Variants in ERVMER34-1 observed in about 807,000 individuals in gnomAD.
The protein encoded by ERVMER34-1 is endogenous retroviral envelope protein HEMO.
For synonymous variants in ERVMER34-1, 199 were observed against 111.7 expected, an observed-to-expected ratio of 1.78 and a Z score of -4.93; for missense variants, 471 against 295.1, an observed-to-expected ratio of 1.60 and a Z score of -4.37.
In ERVMER34-1 at chr4:52,744,365, T is replaced by G. The variant is rs1716090284; in HGVS notation, c.1156A>C (p.Lys386Gln). The change falls in exon 3 of 3, where the codon AAG (lysine) becomes CAG (glutamine). Residue 386 changes from lysine to glutamine, a missense_variant. Coordinates refer to ENST00000443173, the MANE Select transcript of ERVMER34-1 (RefSeq NM_001242690.2). ...FPSLGTYDLE[K>Q]AILNISKAME... ...GCTTTGGAAATGTTTAGAATTGCCT[T>G]TTCTAAATCATAAGTTCCCAAACTT... is the stretch of plus-strand genomic sequence containing the variant. The G allele has an allele frequency of 1.4e-6, 1 of 704,042 alleles. No individual in the cohort carries two copies. The highest frequency in any genetic ancestry group is 2.0e-5 in the Admixed American group (1 of 50,000). The allele number at this position is 704,042 out of a possible 1,614,324, so 43.6% of individuals were successfully genotyped here.
At chr4:52,750,903 T>G (rs1199074607) in intron 2 of ERVMER34-1, 27 bp downstream of exon 2, 2 of 152,094 alleles carry the variant, frequency 1.3e-5, no homozygotes, top group Admixed American at 1.3e-4. Flanking sequence ...CTGGGTAATT[T>G]CCTCCCGCTC....
At chr4:52,747,076 A>G (rs1325313719) in intron 2 of ERVMER34-1, among the ~76,000 whole-genome samples, 1 of 151,950 alleles carries the variant, frequency 6.6e-6, no homozygotes, top group African/African-American at 2.4e-5. Flanking sequence ...TAAAAATATA[A>G]AAATTAGCTG....
At position 52,743,948 on chromosome 4, in the gene ERVMER34-1, T is replaced by G; in HGVS notation, c.1573A>C (p.Asn525His). The change falls in exon 3 of 3, where the codon AAC (asparagine) becomes CAC (histidine). Residue 525 changes from asparagine (N) to histidine (H), a missense_variant. Asn to His is a moderately conservative substitution (Grantham distance 68). Transcript: ENST00000443173. The stretch of plus-strand genomic sequence containing the variant: ...GATTGCTGTGGAGATAAGGCTAGGT[T>G]CAGAGGTTGGGAGTTAAGGGATCTG... ...SRRSLNSQPLNLALSPQQSAQ... is the reference protein window; with the variant it reads ...SRRSLNSQPLHLALSPQQSAQ... The G allele has an allele frequency of 1.8e-6, 2 of 1,117,824 alleles. No homozygotes were observed. The highest frequency in any genetic ancestry group is 2.6e-5 in the South Asian group (2 of 75,702). The allele number at this position is 1,117,824 out of a possible 1,614,324, so 69.2% of individuals were successfully genotyped here. A position where few individuals can be genotyped will look rare whatever the true frequency, so the allele number is the denominator to read the frequency against.
At position 52,749,590 on chromosome 4, in the gene ERVMER34-1, G is replaced by T. The variant is rs182208817; in HGVS notation, c.-424+1340C>A. Among the ~76,000 whole-genome samples, 6 of 152,200 alleles carry T rather than the reference G, an allele frequency of 3.9e-5. No individual in the cohort carries two copies. The East Asian group carries it at 1.2e-3, about 29-fold the overall frequency. On this transcript the variant is annotated intron_variant, in intron 2 of 2. Transcript: ENST00000443173. Reference sequence around the variant, plus strand: ...GCCGAGGTAGGGCAGATCACCTGACGTCAGGAGTTTGAGACCAGCCTGGCC... The same window carrying T: ...GCCGAGGTAGGGCAGATCACCTGACTTCAGGAGTTTGAGACCAGCCTGGCC...
chr4:52,746,253 C>G (rs370959459), intron 2 of ERVMER34-1, among the ~76,000 whole-genome samples: 1 of 151,780 alleles, frequency 6.6e-6, no homozygotes, highest in Non-Finnish European at 1.5e-5. Context: ...CCCCTGGCCT[C>G]AACTGATCAT....
intron 2 of ERVMER34-1, among the ~76,000 whole-genome samples, chr4:52,748,955 AAGAGATCCTCCCACCTC>A (rs1295432689): frequency 2.0e-5 from 3 of 152,110 alleles, no homozygotes; most frequent in Non-Finnish European, 4.4e-5. Flanking sequence ...ACCTGGGCTC[AAGAGATCCTCCCACCTC>A]AGTCTCCCCT....
rs1577732853 is a variant in ERVMER34-1 at position 52,744,483 on chromosome 4, T to C, written c.1038A>G (p.Lys346=). 3 of 704,158 alleles carry C rather than the reference T, an allele frequency of 4.3e-6. No homozygotes were observed. Among genetic ancestry groups the C allele is most frequent in the East Asian group, 5.4e-5 (2 of 37,286 alleles). 43.6% of individuals were successfully genotyped at this position (704,158 alleles called of 1,614,324 possible). The change falls in exon 3 of 3, where the codon AAA becomes AAG. Residue 346 remains lysine (K), a synonymous_variant. Transcript: ENST00000443173. ...QITNLRSFIH[K]VTPHRCTQGD... is the part of the protein sequence containing the mutation. ...CTTGGGTGCATCTATGCGGTGTTAC[T>C]TTATGAATGAAGGATCTCAGGTTTG...
At chr4:52,746,520 T>A (rs1458436388) in intron 2 of ERVMER34-1, among the ~76,000 whole-genome samples, 1 of 152,256 alleles carries the variant, frequency 6.6e-6, no homozygotes, top group Non-Finnish European at 1.5e-5. Flanking sequence ...CTGCGTAAAG[T>A]GAGTTCCTTT....
Position 52,743,634 on chromosome 4 carries a change from A to C in ERVMER34-1, c.*195T>G. The C allele has an allele frequency of 1.8e-6, 1 of 542,216 alleles. No homozygotes were observed. The allele number at this position is 542,216 out of a possible 1,614,324, so 33.6% of individuals were successfully genotyped here. A position where few individuals can be genotyped will look rare whatever the true frequency, so the allele number is the denominator to read the frequency against. ...GATCAGCTTTATGGTGTGTGTCTTA[A>C]GGCTTCAGAATGAAACTACAAAAAG... On this transcript the variant is annotated 3_prime_UTR_variant, in exon 3 of 3. Transcript: ENST00000443173.
chr4:52,746,754 T>G (rs1444748166), intron 2 of ERVMER34-1, among the ~76,000 whole-genome samples: 2 of 152,160 alleles, frequency 1.3e-5, no homozygotes, highest in Non-Finnish European at 2.9e-5. Flanking sequence ...GCTTACCATC[T>G]CTAGAGTCTT....
chr4:52,743,963 T>C lies in ERVMER34-1; in HGVS notation c.1558A>G (p.Asn520Asp), dbSNP rs930425978. The change falls in exon 3 of 3, where the codon AAC becomes GAC. Residue 520 changes from asparagine (N) to aspartate (D), a missense_variant. Physicochemically the swap from Asn to Asp is conservative, Grantham distance 23 (BLOSUM62 1). Transcript: ENST00000443173. ...RVFRKSRRSL[N>D]SQPLNLALSP... ...AAGGCTAGGTTCAGAGGTTGGGAGT[T>C]AAGGGATCTGCGAGATTTGCGAAAG... is the stretch of plus-strand genomic sequence containing the variant. The C allele has an allele frequency of 1.1e-6, 1 of 909,990 alleles. No individual in the cohort carries two copies. The highest frequency in any genetic ancestry group is 1.6e-5 in the African/African-American group (1 of 60,982). The allele number at this position is 909,990 out of a possible 1,614,324, so 56.4% of individuals were successfully genotyped here.
At position 52,745,943 on chromosome 4, in the gene ERVMER34-1, C is replaced by T; in HGVS notation, c.-423G>A. On this transcript the variant is annotated splice_region_variant and 5_prime_UTR_variant, in exon 3 of 3. In the 5' UTR this introduces an upstream ATG that the reference lacks. Transcript: ENST00000443173. ...AAAAACTTTCAGATATACTTGATCA[C>T]CTGGTTGAAAAGATGGCAGGGTCTG... The T allele has an allele frequency of 6.0e-6, 1 of 165,902 alleles. No homozygotes were observed. The highest frequency in any genetic ancestry group is 1.7e-4 in the South Asian group (1 of 5,992). The allele number at this position is 165,902 out of a possible 1,614,324, so 10.3% of individuals were successfully genotyped here.
At position 52,744,541 on chromosome 4, in the gene ERVMER34-1, G is replaced by C; in HGVS notation, c.980C>G (p.Thr327Ser). The change falls in exon 3 of 3, where the codon ACC (threonine) becomes AGC (serine). Residue 327 changes from threonine to serine, a missense_variant. Coordinates refer to ENST00000443173, the MANE Select transcript of ERVMER34-1 (RefSeq NM_001242690.2). The part of the protein sequence containing the change: ...CGLGYLVPSL[T>S]RYLTLNASQI... ...GCTAGCATTTAAGGTGAGGTATCTG[G>C]TGAGGGAAGGTACAAGATACCCAAG... The C allele has an allele frequency of 1.4e-6, 1 of 704,080 alleles. No homozygotes were observed. The highest frequency in any genetic ancestry group is 2.6e-6 in the Non-Finnish European group (1 of 385,010). 43.6% of individuals were successfully genotyped at this position (704,080 alleles called of 1,614,324 possible).
intron 2 of ERVMER34-1, among the ~76,000 whole-genome samples, chr4:52,746,866 C>G (rs1227516791): frequency 1.3e-5 from 2 of 152,094 alleles, no homozygotes; most frequent in Non-Finnish European, 2.9e-5. Flanking sequence ...TTTTGATCAT[C>G]CTATTCACAC....
chr4:52,750,341 T>C (rs1357952285), intron 2 of ERVMER34-1, among the ~76,000 whole-genome samples: 2 of 152,178 alleles, frequency 1.3e-5, no homozygotes, highest in African/African-American at 2.4e-5. Flanking sequence ...CCATCACCAA[T>C]GGGCATATAA....
Position 52,744,370 on chromosome 4 carries a change from A to G in ERVMER34-1, c.1151T>C (p.Leu384Ser). 1 of 704,162 alleles carries G rather than the reference A, an allele frequency of 1.4e-6. No homozygotes were observed. The highest frequency in any genetic ancestry group is 2.7e-5 in the East Asian group (1 of 37,294). 43.6% of individuals were successfully genotyped at this position (704,162 alleles called of 1,614,324 possible). A position where few individuals can be genotyped will look rare whatever the true frequency, so the allele number is the denominator to read the frequency against. The change falls in exon 3 of 3, where the codon TTA becomes TCA. Residue 384 changes from leucine (L) to serine (S), a missense_variant. Leu to Ser is a moderately radical substitution (Grantham distance 145). Transcript: ENST00000443173. The part of the protein sequence containing the change: ...ALFPSLGTYD[L>S]EKAILNISKA... ...GGAAATGTTTAGAATTGCCTTTTCT[A>G]AATCATAAGTTCCCAAACTTGGAAA... is the stretch of plus-strand genomic sequence containing the variant.
chr4:52,744,076 T>C lies in ERVMER34-1; in HGVS notation c.1445A>G (p.Lys482Arg). The C allele has an allele frequency of 1.4e-6, 1 of 704,504 alleles. No individual in the cohort carries two copies. The highest frequency in any genetic ancestry group is 2.7e-5 in the East Asian group (1 of 37,298). 43.6% of individuals were successfully genotyped at this position (704,504 alleles called of 1,614,324 possible). A position where few individuals can be genotyped will look rare whatever the true frequency, so the allele number is the denominator to read the frequency against. The change falls in exon 3 of 3, where the codon AAA becomes AGA. Residue 482 changes from lysine (K) to arginine (R), a missense_variant. By Grantham distance (26) the Lys-to-Arg change is conservative. Coordinates refer to ENST00000443173, the MANE Select transcript of ERVMER34-1 (RefSeq NM_001242690.2). The stretch of plus-strand genomic sequence containing the variant: ...CCATGATCTGAACCAGTCTCCCACT[T>C]TTGCAAATATGCCTTGCCAATCAAG... ...PLLDWQGIFA[K>R]VGDWFRSWGY...
rs146503622 is a variant in ERVMER34-1, at chr4:52,744,217, G to A, written c.1304C>T (p.Thr435Met). 36 of 704,128 alleles carry A rather than the reference G, an allele frequency of 5.1e-5. No individual in the cohort carries two copies. The highest frequency in any genetic ancestry group is 4.6e-4 in the Middle Eastern group (2 of 4,370). 43.6% of individuals were successfully genotyped at this position (704,128 alleles called of 1,614,324 possible). ...VLDIPTTQRQ[T>M]ACGTVGKQCC... is the part of the protein sequence containing the mutation. ...CTGTTTGCCAACAGTTCCACAAGCC[G>A]TTTGTCGTTGGGTGGTCGGTATATC... Residue 435 changes from threonine (T) to methionine (M), a missense_variant, in exon 3 of 3, where the codon ACG (threonine) becomes ATG (methionine). Transcript: ENST00000443173.
At chr4:52,746,705 T>C (rs1716163820) in intron 2 of ERVMER34-1, among the ~76,000 whole-genome samples, 3 of 152,070 alleles carry the variant, frequency 2.0e-5, no homozygotes, top group Admixed American at 2.0e-4. Flanking sequence ...TAGAGTACCA[T>C]AAAAGGCAGT....
Sources: allele counts gnomAD v4.1 joint callset (sites outside exome capture counted in the v4.1 genomes callset), GRCh38; gene constraint gnomAD v4.1.1; transcripts MANE v1.5; gene names NCBI Gene and HGNC (gene_info 2026-07-23, HGNC 2026-07-21).